The following ABTB3 variants were observed in gnomAD, a reference collection of about 807,000 sequenced individuals.
ABTB3 encodes the protein ankyrin repeat- and BTB/POZ domain-containing protein 3.
At chr12:107,413,748 C>A in the ABTB3 span, among the ~76,000 whole-genome samples, 7 of 152,220 alleles carry the variant, frequency 4.6e-5, no homozygotes, top group African/African-American at 1.7e-4. Context: ...ACCTGGGAAA[C>A]TTTTGACAGC....
chr12:107,560,126 A>C, the ABTB3 span, among the ~76,000 whole-genome samples: 1 of 152,180 alleles, frequency 6.6e-6, no homozygotes, highest in Non-Finnish European at 1.5e-5. Context: ...ACATTCATAA[A>C]CATTCTTAAT....
the ABTB3 span, among the ~76,000 whole-genome samples, chr12:107,651,482 T>C: frequency 6.6e-6 from 1 of 150,932 alleles, no homozygotes; most frequent in Non-Finnish European, 1.5e-5. Flanking sequence ...CGCTCCCCCG[T>C]CTTCCCCCAC....
At chr12:107,375,581 C>G in the ABTB3 span, among the ~76,000 whole-genome samples, 145 of 152,354 alleles carry the variant, frequency 9.5e-4, no homozygotes, top group Non-Finnish European at 1.7e-3. Flanking sequence ...CGGTGCCGTT[C>G]TACCTCTCAC....
the ABTB3 span, among the ~76,000 whole-genome samples, chr12:107,497,460 AATT>A: frequency 6.8e-6 from 1 of 147,820 alleles, no homozygotes; most frequent in Admixed American, 6.7e-5. Context: ...CCATCATCAC[AATT>A]ATTACCACCA....
At chr12:107,366,817 C>G in the ABTB3 span, among the ~76,000 whole-genome samples, 1 of 152,152 alleles carries the variant, frequency 6.6e-6, no homozygotes, top group Non-Finnish European at 1.5e-5. Context: ...ATCTGAGTTA[C>G]TGATTATTCT....
At chr12:107,501,672 C>T in the ABTB3 span, among the ~76,000 whole-genome samples, 1 of 152,036 alleles carries the variant, frequency 6.6e-6, no homozygotes, top group African/African-American at 2.4e-5. Context: ...TGCACCTCAG[C>T]CTGGGTGACA....
the ABTB3 span, among the ~76,000 whole-genome samples, chr12:107,514,317 C>G: frequency 2.0e-5 from 3 of 152,108 alleles, no homozygotes; most frequent in Non-Finnish European, 1.5e-5. Flanking sequence ...TTTTAGGACC[C>G]ATAAACCCTT....
At chr12:107,487,625 A>G in the ABTB3 span, among the ~76,000 whole-genome samples, 1 of 152,168 alleles carries the variant, frequency 6.6e-6, no homozygotes, top group African/African-American at 2.4e-5. Context: ...TGCCAGCACC[A>G]GGAAATATAT....
the ABTB3 span, among the ~76,000 whole-genome samples, chr12:107,569,484 C>A: frequency 6.6e-6 from 1 of 152,230 alleles, no homozygotes; most frequent in Admixed American, 6.5e-5. Context: ...TAAGTCACAC[C>A]TTTAAGTGAA....
the ABTB3 span, among the ~76,000 whole-genome samples, chr12:107,485,308 C>T: frequency 2.0e-5 from 3 of 152,118 alleles, no homozygotes; most frequent in South Asian, 6.2e-4. Flanking sequence ...TTGTCATTGT[C>T]CTCCTGAGCT....
At chr12:107,612,723 AT>A in the ABTB3 span, 1 of 1,486,418 alleles carries the variant, frequency 6.7e-7, no homozygotes, top group Non-Finnish European at 9.2e-7. Flanking sequence ...GTTATTGTCG[AT>A]TGACCACAGC....
At chr12:107,604,978 C>T in the ABTB3 span, among the ~76,000 whole-genome samples, 10 of 152,138 alleles carry the variant, frequency 6.6e-5, no homozygotes, top group East Asian at 1.2e-3. Context: ...GTCAATAAAC[C>T]TGGAGGACAT....
At chr12:107,360,583 G>T in the ABTB3 span, among the ~76,000 whole-genome samples, 1 of 152,186 alleles carries the variant, frequency 6.6e-6, no homozygotes, top group African/African-American at 2.4e-5. Context: ...GCCCTGACTT[G>T]TTTCAGAGTA....
At chr12:107,339,098 A>C in the ABTB3 span, among the ~76,000 whole-genome samples, 1 of 152,096 alleles carries the variant, frequency 6.6e-6, no homozygotes, top group Non-Finnish European at 1.5e-5. Context: ...GATTATCTGC[A>C]CTCTTGCTAG....
At chr12:107,323,584 G>A in the ABTB3 span, among the ~76,000 whole-genome samples, 2 of 152,286 alleles carry the variant, frequency 1.3e-5, no homozygotes, top group South Asian at 2.1e-4. Flanking sequence ...TTTCTGTGGA[G>A]TTTTAAAAAT....
At chr12:107,549,975 C>A in the ABTB3 span, among the ~76,000 whole-genome samples, 1 of 151,148 alleles carries the variant, frequency 6.6e-6, no homozygotes, top group African/African-American at 2.4e-5. Flanking sequence ...GCTCCTTGCA[C>A]CTGCATGTCA....
chr12:107,525,840 T>G, the ABTB3 span, among the ~76,000 whole-genome samples: 1 of 152,258 alleles, frequency 6.6e-6, no homozygotes, highest in Non-Finnish European at 1.5e-5. Flanking sequence ...CTGGAGCACC[T>G]ACTGTGTACC....
chr12:107,657,036 C>G, the ABTB3 span, among the ~76,000 whole-genome samples: 261 of 148,956 alleles, frequency 1.8e-3, 2 homozygotes, highest in African/African-American at 6.0e-3. Flanking sequence ...GAGCGAAACC[C>G]TGTCTCAAAA....
the ABTB3 span, among the ~76,000 whole-genome samples, chr12:107,468,170 G>A: frequency 6.6e-6 from 1 of 152,158 alleles, no homozygotes; most frequent in East Asian, 1.9e-4. Context: ...AGAAGGCTGG[G>A]CAGCAGGGAA....
Sources: allele counts gnomAD v4.1 joint callset (sites outside exome capture counted in the v4.1 genomes callset), GRCh38; gene constraint gnomAD v4.1.1; transcripts MANE v1.5; gene names NCBI Gene and HGNC (gene_info 2026-07-23, HGNC 2026-07-21).